Variants in FCN3 observed in about 807,000 individuals in gnomAD.
The protein encoded by FCN3 is ficolin-3.
FCN3 carries 28 observed loss-of-function variants against 31.5 expected under a neutral mutation model. The observed-to-expected ratio is 0.89, with a 90% confidence interval of 0.66 to 1.22. The LOEUF is 1.22. Among genes scored for constraint, FCN3 ranks in the 50% most tolerant of loss-of-function variants. The pLI is 0.00. For missense variants in FCN3, 351 were observed against 386.8 expected (o/e 0.91, Z 0.78); for synonymous variants, 124 against 147.4 (o/e 0.84, Z 1.15).
At chr1:27,374,503 C>T (rs1364976819) in intron 1 of FCN3, 52 bp from the exon 2 acceptor site, 7 of 1,230,770 alleles carry the variant, frequency 5.7e-6, no homozygotes, top group Middle Eastern at 1.9e-4. Context: ...CTCTTCCAGA[C>T]CCCTCTTCAG....
At chr1:27,372,773 A>T (rs201533071) in intron 5 of FCN3, among the ~76,000 whole-genome samples, 994 of 96,142 alleles carry the variant, frequency 0.01, no homozygotes, top group Middle Eastern at 0.02. Flanking sequence ...TCCCTACCCT[A>T]TTTTTTTTTT....
Position 27,370,833 on chromosome 1 carries a change from G to T in FCN3, c.523+10C>A. On this transcript the variant is annotated intron_variant, in intron 6 of 7. Coordinates refer to ENST00000270879, the MANE Select transcript of FCN3 (RefSeq NM_003665.4). The stretch of plus-strand genomic sequence containing the variant: ...AACCCCCAGACTCCAGGACCCTGCT[G>T]GGAACTCACCCTGGAGAGTAAGCTG... The T allele has an allele frequency of 6.2e-7, 1 of 1,613,832 alleles. No homozygotes were observed.
chr1:27,371,017 T>G, intron 5 of FCN3, 45 bp from the exon 6 acceptor site: 4 of 1,587,026 alleles, frequency 2.5e-6, no homozygotes, highest in Non-Finnish European at 1.7e-6. Flanking sequence ...GGCTGGGCAC[T>G]GGCAGCTGAG....
chr1:27,372,305 T>C (rs964108486), intron 5 of FCN3, among the ~76,000 whole-genome samples: 4 of 151,762 alleles, frequency 2.6e-5, no homozygotes, highest in Admixed American at 6.6e-5. Flanking sequence ...TGGAGTGCAG[T>C]GACTCAATCT....
At position 27,369,476 on chromosome 1, in the gene FCN3, C is replaced by T. The variant is rs1415908541; in HGVS notation, c.660G>A (p.Gly220=). 22 of 1,612,886 alleles carry T rather than the reference C, an allele frequency of 1.4e-5. No homozygotes were observed. The highest frequency in any genetic ancestry group is 2.7e-5 in the African/African-American group (2 of 74,926). Residue 220 remains glycine (G), a splice_region_variant and synonymous_variant, in exon 8 of 8, where the codon GGG becomes GGA. Transcript: ENST00000270879. The stretch of plus-strand genomic sequence containing the variant: ...TCCCACTGTGGAGGCTCAGGGAATC[C>T]CCTAGCAGGGAAGGGATGGAAAGCA... ...ALGKFSEGTA[G]DSLSLHSGRP...
chr1:27,373,479 C>T lies in FCN3; in HGVS notation c.265+9G>A, dbSNP rs774852608. 1.1e-5 allele frequency: 17 copies of T among 1,613,920 alleles called. No homozygotes were observed. The South Asian group carries it at 1.9e-4, about 18-fold the overall frequency. ...CCCAAGTTCCTGGCTCCTGCAAGGG[C>T]TGCCTCACCTTCCTGGCACCGGAGC... is the stretch of plus-strand genomic sequence containing the variant. On this transcript the variant is annotated intron_variant, in intron 4 of 7. Transcript: ENST00000270879.
intron 5 of FCN3, among the ~76,000 whole-genome samples, chr1:27,371,540 C>T (rs2016146090): frequency 6.6e-6 from 1 of 151,896 alleles, no homozygotes; most frequent in Non-Finnish European, 1.5e-5. Flanking sequence ...CACACCACTG[C>T]ACTCCAGCCT....
At chr1:27,373,298 G>A (rs1463445726) in intron 4 of FCN3, 35 bp from the exon 5 acceptor site, 9 of 1,613,100 alleles carry the variant, frequency 5.6e-6, no homozygotes, top group Non-Finnish European at 7.6e-6. Flanking sequence ...GTGGTGCCCA[G>A]GTTATTCCCT....
At chr1:27,370,102 A>C (rs1417990564) in intron 7 of FCN3, among the ~76,000 whole-genome samples, 1 of 150,672 alleles carries the variant, frequency 6.6e-6, no homozygotes, top group Non-Finnish European at 1.5e-5. Context: ...TGCCTCCCAG[A>C]TTTAAGTGAT....
At chr1:27,372,160 C>G in intron 5 of FCN3, among the ~76,000 whole-genome samples, 1 of 152,094 alleles carries the variant, frequency 6.6e-6, no homozygotes, top group East Asian at 1.9e-4. Flanking sequence ...TGGTGTAGCC[C>G]GAATCATCTT....
At chr1:27,374,276 C>T (rs2148073113) in intron 2 of FCN3, 80 bp downstream of exon 2, 2 of 1,019,550 alleles carry the variant, frequency 2.0e-6, no homozygotes, top group Admixed American at 1.9e-5. Context: ...TTTGTCGTGG[C>T]CCCTCAGCAC....
Position 27,374,006 on chromosome 1 carries a change from G to A in FCN3, c.191C>T (p.Pro64Leu), listed in dbSNP as rs768468538. 5 of 1,613,552 alleles carry A rather than the reference G, an allele frequency of 3.1e-6. No homozygotes were observed. Among genetic ancestry groups the A allele is most frequent in the Non-Finnish European group, 3.4e-6 (4 of 1,179,886 alleles). The change falls in exon 3 of 8, where the codon CCA becomes CTA. Residue 64 changes from proline to leucine, a missense_variant. Physicochemically the swap from Pro to Leu is moderately conservative, Grantham distance 98. Coordinates refer to ENST00000270879, the MANE Select transcript of FCN3 (RefSeq NM_003665.4). ...GCCCATCTTGCCTGGTGGTCCAGGTGGCCCTGAAATCACAAAGGCAGAGAT... is the reference window on the plus strand; with the variant it reads ...GCCCATCTTGCCTGGTGGTCCAGGTAGCCCTGAAATCACAAAGGCAGAGAT... ...GEKGAPGPQG[P>L]PGPPGKMGPK...
intron 7 of FCN3, 140 bp from the exon 8 acceptor site, chr1:27,369,617 G>T: frequency 1.3e-6 from 1 of 757,402 alleles, no homozygotes; most frequent in Non-Finnish European, 2.2e-6. Flanking sequence ...GGGCCAGGTT[G>T]TTTGCGCAGG....
rs150694369 is a variant in FCN3, at chr1:27,370,686, G to A, written c.568C>T (p.Arg190Cys). Residue 190 changes from arginine (R) to cysteine (C), a missense_variant, in exon 7 of 8, where the codon CGT becomes TGT. Coordinates refer to ENST00000270879, the MANE Select transcript of FCN3 (RefSeq NM_003665.4). ...AAGGTCGCATAGTGGGCGAAAGTACGGTTACCATTAAAGTCTTCCAGCTCT... is the reference window on the plus strand; with the variant it reads ...AAGGTCGCATAGTGGGCGAAAGTACAGTTACCATTAAAGTCTTCCAGCTCT... ...RVELEDFNGN[R>C]TFAHYATFRL... 39 of 1,614,224 alleles carry A rather than the reference G, an allele frequency of 2.4e-5. No homozygotes were observed. In the East Asian group the frequency reaches 6.7e-4, roughly 28 times the overall value.
At chr1:27,373,619 C>G in intron 3 of FCN3, 99 bp from the exon 4 acceptor site, 1 of 1,259,886 alleles carries the variant, frequency 7.9e-7, no homozygotes. Flanking sequence ...CGAATCCTTC[C>G]CACTCCTCCC....
intron 2 of FCN3, 158 bp from the exon 3 acceptor site, chr1:27,374,167 TC>T: frequency 1.3e-6 from 1 of 744,012 alleles, no homozygotes; most frequent in South Asian, 1.8e-5. Flanking sequence ...CTCCCTTTCC[TC>T]CTCAGCAGAA....
Position 27,374,792 on chromosome 1 carries a change from G to A in FCN3, c.27C>T (p.Ser9=), listed in dbSNP as rs750964366. MDLLWILP[S]LWLLLLGGPA... ...GCCCCCCAAGCAGGAGAAGCCACAG[G>A]GAGGGCAGGATCCACAGTAGATCCA... is the stretch of plus-strand genomic sequence containing the variant. The change falls in exon 1 of 8, where the codon TCC becomes TCT. Residue 9 remains serine, a synonymous_variant. Transcript: ENST00000270879. 7.2e-7 allele frequency: 1 copy of A among 1,387,560 alleles called. No homozygotes were observed. Among genetic ancestry groups the A allele is most frequent in the Non-Finnish European group, 9.4e-7 (1 of 1,065,446 alleles). 86.0% of individuals were successfully genotyped at this position (1,387,560 alleles called of 1,614,324 possible).
At chr1:27,369,989 C>A (rs1439530073) in intron 7 of FCN3, among the ~76,000 whole-genome samples, 1 of 149,686 alleles carries the variant, frequency 6.7e-6, no homozygotes, top group East Asian at 2.0e-4. Context: ...TTCCTCCTTG[C>A]CTCCCTGCGC....
intron 7 of FCN3, 113 bp from the exon 8 acceptor site, chr1:27,369,590 C>T (rs2016104231): frequency 1.0e-6 from 1 of 968,764 alleles, no homozygotes; most frequent in Non-Finnish European, 1.6e-6. Context: ...TTATCAGGCC[C>T]CACGAGCAAC....
Sources: allele counts gnomAD v4.1 joint callset (sites outside exome capture counted in the v4.1 genomes callset), GRCh38; gene constraint gnomAD v4.1.1; transcripts MANE v1.5; gene names NCBI Gene and HGNC (gene_info 2026-07-23, HGNC 2026-07-21).